TOR1AIP1: variants seen among roughly 807,000 people sequenced by gnomAD.
TOR1AIP1 encodes the protein torsin 1A interacting protein 1.
In TOR1AIP1, 54 loss-of-function variants were observed where a neutral mutation model predicts 63.3. That is an observed-to-expected ratio of 0.85 (90% CI 0.69 to 1.07). The LOEUF (loss-of-function observed/expected upper bound fraction) is 1.07. Ranked by LOEUF, TOR1AIP1 falls within the 50% of genes least tolerant of loss-of-function variation. The pLI is 0.00. For synonymous variants in TOR1AIP1, 294 were observed against 273.5 expected, an observed-to-expected ratio of 1.07 and a Z score of -0.74; for missense variants, 736 against 715.0, an observed-to-expected ratio of 1.03 and a Z score of -0.33.
Position 179,908,636 on chromosome 1 carries a change from G to A in TOR1AIP1, c.870G>A (p.Trp290Ter). The A allele has an allele frequency of 6.2e-7, 1 of 1,613,416 alleles. No individual in the cohort carries two copies. Among genetic ancestry groups the A allele is most frequent in the Non-Finnish European group, 8.5e-7 (1 of 1,179,592 alleles). ...GATATCAAAAAACTCCCCAGGAATG[G>A]GCCCCACAAACTGCAAGAATAAGGA... ...SSGYQKTPQE[W>*]APQTARIRTR... The change falls in exon 8 of 10, where the codon TGG becomes TGA. Residue 290 changes from tryptophan (W) to a stop codon, truncating the protein, a stop_gained. Coordinates refer to ENST00000606911, the MANE Select transcript of TOR1AIP1 (RefSeq NM_015602.4). LOFTEE classifies it high-confidence loss of function.
intron 6 of TOR1AIP1, among the ~76,000 whole-genome samples, chr1:179,905,558 C>T (rs1025919862): frequency 3.3e-5 from 5 of 152,024 alleles, no homozygotes; most frequent in African/African-American, 7.2e-5. Context: ...AATTACTCTT[C>T]GAATTATTTT....
At position 179,919,572 on chromosome 1, in the gene TOR1AIP1, A is replaced by T. The variant is rs899057866; in HGVS notation, c.*1333A>T. ...TCTTTACTACTATAGTAGTTTAGTT[A>T]TAACTTTGCATCTATAATTGAGCTT... On this transcript the variant is annotated 3_prime_UTR_variant, in exon 10 of 10. Coordinates refer to ENST00000606911, the MANE Select transcript of TOR1AIP1 (RefSeq NM_015602.4). The T allele has an allele frequency of 2.6e-5, 4 of 152,234 alleles. No individual in the cohort carries two copies. Among genetic ancestry groups the T allele is most frequent in the African/African-American group, 9.6e-5 (4 of 41,458 alleles). The allele number at this position is 152,234 out of a possible 1,614,324, so 9.4% of individuals were successfully genotyped here.
At chr1:179,903,830 A>G (rs1250288502) in intron 5 of TOR1AIP1, 136 bp from the exon 6 acceptor site, 2 of 550,166 alleles carry the variant, frequency 3.6e-6, no homozygotes, top group Non-Finnish European at 6.2e-6. Context: ...TAAATAAATT[A>G]TGCATCCACG....
In TOR1AIP1 at chr1:179,904,041, A is replaced by T. The variant is rs1269097066; in HGVS notation, c.796+19A>T. On this transcript the variant is annotated intron_variant, in intron 6 of 9. Coordinates refer to ENST00000606911, the MANE Select transcript of TOR1AIP1 (RefSeq NM_015602.4). ...TCACAAAGTAAGTAAAGCTGTGTTT[A>T]CAGTGTCTTCCTGTGAGCTTGGTCA... 3 of 1,584,704 alleles carry T rather than the reference A, an allele frequency of 1.9e-6. No individual in the cohort carries two copies. The highest frequency in any genetic ancestry group is 2.6e-6 in the Non-Finnish European group (3 of 1,158,276).
chr1:179,913,288 G>T (rs956323770), intron 8 of TOR1AIP1, among the ~76,000 whole-genome samples: 2 of 152,076 alleles, frequency 1.3e-5, no homozygotes, highest in Non-Finnish European at 2.9e-5. Context: ...AATAGATTTA[G>T]ATGAAAGTAG....
In TOR1AIP1 at chr1:179,917,947, G is replaced by T. The variant is rs764790208; in HGVS notation, c.1460G>T (p.Gly487Val). 1 of 1,614,196 alleles carries T rather than the reference G, an allele frequency of 6.2e-7. No homozygotes were observed. Among genetic ancestry groups the T allele is most frequent in the Non-Finnish European group, 8.5e-7 (1 of 1,180,034 alleles). The change falls in exon 10 of 10, where the codon GGC (glycine) becomes GTC (valine). Residue 487 changes from glycine (G) to valine (V), a missense_variant. By Grantham distance (109) the Gly-to-Val change is moderately radical. Around this residue, in one of 2 missense-constraint regions of TOR1AIP1, gnomAD observed 272 missense variants for 344.1 expected, o/e 0.79. Coordinates refer to ENST00000606911, the MANE Select transcript of TOR1AIP1 (RefSeq NM_015602.4). ...VVHRFESFPA[G>V]STLIFYKYCD... ...CACCGCTTTGAGTCATTTCCCGCAG[G>T]CTCTACTTTGATCTTCTACAAATAT...
chr1:179,903,521 T>G (rs918963393), intron 5 of TOR1AIP1, among the ~76,000 whole-genome samples: 1 of 152,084 alleles, frequency 6.6e-6, no homozygotes, highest in Non-Finnish European at 1.5e-5. Context: ...CTTTTTTTTT[T>G]TTTTGAGACA....
chr1:179,892,740 A>C (rs1648137071), intron 3 of TOR1AIP1, among the ~76,000 whole-genome samples: 1 of 112,694 alleles, frequency 8.9e-6, no homozygotes, highest in African/African-American at 3.3e-5. Flanking sequence ...TCCGTCTCAA[A>C]AAAAAAAAAA....
chr1:179,889,138 T>C (rs141591546), intron 2 of TOR1AIP1, among the ~76,000 whole-genome samples, 175 bp from the exon 3 acceptor site: 1 of 152,356 alleles, frequency 6.6e-6, no homozygotes, highest in East Asian at 1.9e-4. Flanking sequence ...TGTCTCTAGT[T>C]CACTATCATC....
intron 2 of TOR1AIP1, among the ~76,000 whole-genome samples, chr1:179,885,974 C>A (rs1033085823): frequency 3.3e-5 from 5 of 152,162 alleles, no homozygotes; most frequent in Non-Finnish European, 5.9e-5. Context: ...CTCCTGACCT[C>A]AGGTGATCCA....
At position 179,884,777 on chromosome 1, in the gene TOR1AIP1, T is replaced by C. The variant is rs763960786; in HGVS notation, c.553+8T>C. The C allele has an allele frequency of 1.9e-6, 3 of 1,594,880 alleles. No homozygotes were observed. Among genetic ancestry groups the C allele is most frequent in the African/African-American group, 1.4e-5 (1 of 73,718 alleles). On this transcript the variant is annotated splice_region_variant and intron_variant, in intron 2 of 9. Transcript: ENST00000606911. Reference sequence around the variant, plus strand: ...GCATACAAGAGGCTCCAGGTAAGAATAGTTAACTTTTTGTTTTTCTCCTTA... The same window carrying C: ...GCATACAAGAGGCTCCAGGTAAGAACAGTTAACTTTTTGTTTTTCTCCTTA...
intron 3 of TOR1AIP1, among the ~76,000 whole-genome samples, chr1:179,894,623 T>C (rs529111462): frequency 1.3e-5 from 2 of 151,886 alleles, no homozygotes; most frequent in African/African-American, 2.4e-5. Context: ...GAGGTGGAGG[T>C]TGTAGTGAGC....
At chr1:179,902,884 T>C (rs1558043504) in intron 5 of TOR1AIP1, among the ~76,000 whole-genome samples, 3 of 152,168 alleles carry the variant, frequency 2.0e-5, no homozygotes, top group Admixed American at 2.0e-4. Flanking sequence ...AATTAAGCCA[T>C]TTATATAGCC....
intron 3 of TOR1AIP1, among the ~76,000 whole-genome samples, chr1:179,894,663 G>C: frequency 6.6e-6 from 1 of 152,048 alleles, no homozygotes; most frequent in East Asian, 1.9e-4. Context: ...TCCACTGTCG[G>C]CAACAAGAGC....
intron 3 of TOR1AIP1, among the ~76,000 whole-genome samples, chr1:179,889,843 G>A (rs1195816864): frequency 6.6e-6 from 1 of 151,894 alleles, no homozygotes; most frequent in African/African-American, 2.4e-5. Context: ...TGTAGAGATG[G>A]GGTTTTGCCA....
At chr1:179,915,310 G>A (rs945248761) in intron 9 of TOR1AIP1, among the ~76,000 whole-genome samples, 23 of 152,174 alleles carry the variant, frequency 1.5e-4, no homozygotes, top group African/African-American at 5.6e-4. Context: ...AAAGTCATTG[G>A]TCTTTCTTAT....
At chr1:179,912,285 G>A (rs1010616110) in intron 8 of TOR1AIP1, among the ~76,000 whole-genome samples, 1 of 151,986 alleles carries the variant, frequency 6.6e-6, no homozygotes, top group Non-Finnish European at 1.5e-5. Flanking sequence ...CTCCCAAAGT[G>A]TTGGGATTAC....
intron 2 of TOR1AIP1, among the ~76,000 whole-genome samples, chr1:179,887,370 G>C (rs1571722243): frequency 6.6e-6 from 1 of 152,066 alleles, no homozygotes; most frequent in Non-Finnish European, 1.5e-5. Context: ...CTGCACTCCA[G>C]CCTGGGTGAT....
Position 179,882,834 on chromosome 1 carries a change from G to T in TOR1AIP1, c.332G>T (p.Arg111Leu). The T allele has an allele frequency of 6.2e-7, 1 of 1,614,196 alleles. No individual in the cohort carries two copies. The highest frequency in any genetic ancestry group is 8.5e-7 in the Non-Finnish European group (1 of 1,180,018). The part of the protein sequence containing the change: ...ESAYYLRSRQ[R>L]RQPRPQETEE... ...GCGTACTACCTTCGGTCTAGGCAGC[G>T]GAGGCAGCCGCGACCCCAGGAAACC... Residue 111 changes from arginine (R) to leucine (L), a missense_variant, in exon 1 of 10, where the codon CGG (arginine) becomes CTG (leucine). Arg to Leu is a moderately radical substitution (Grantham distance 102). Coordinates refer to ENST00000606911, the MANE Select transcript of TOR1AIP1 (RefSeq NM_015602.4).
Sources: allele counts gnomAD v4.1 joint callset (sites outside exome capture counted in the v4.1 genomes callset), GRCh38; gene constraint gnomAD v4.1.1; regional missense constraint gnomAD v4.1.1; transcripts MANE v1.5; gene names NCBI Gene and HGNC (gene_info 2026-07-23, HGNC 2026-07-21).